Variants in IGFBP5 observed in about 807,000 individuals in gnomAD.
The protein encoded by IGFBP5 is insulin-like growth factor-binding protein 5.
A neutral mutation model predicts 28.0 loss-of-function variants in IGFBP5; 12 were observed. The ratio of observed to expected loss-of-function variants is 0.43; its 90% CI spans 0.27 to 0.69. The LOEUF (loss-of-function observed/expected upper bound fraction) is 0.69. Ranked by LOEUF, IGFBP5 falls within the 30% of genes least tolerant of loss-of-function variation. IGFBP5 has a pLI of 0.20. For synonymous variants in IGFBP5, 152 were observed against 150.2 expected (o/e 1.01, Z -0.09); for missense variants, 344 against 381.6 (o/e 0.90, Z 0.82).
In IGFBP5 at chr2:216,694,372, G is replaced by A. The variant is rs1452628857; in HGVS notation, c.337+67C>T. The A allele has an allele frequency of 1.5e-6, 2 of 1,366,890 alleles. No homozygotes were observed. Among genetic ancestry groups the A allele is most frequent in the African/African-American group, 1.5e-5 (1 of 66,162 alleles). The allele number at this position is 1,366,890 out of a possible 1,614,324, so 84.7% of individuals were successfully genotyped here. ...AGCCACTTGCTGCGCAAAGCGCGCG[G>A]GCCCAGCCGGTCTCGTGTCCCCCGC... On this transcript the variant is annotated intron_variant, in intron 1 of 3. Transcript: ENST00000233813. This position sits in a 1 kb window ranked among gnomAD's most constrained non-coding sequence, Gnocchi z 5.2.
At position 216,672,302 on chromosome 2, in the gene IGFBP5, G is replaced by GTTTTTT. The variant is rs771596160; in HGVS notation, c.*4443_*4448dup. ...GAGCCGAGCTCTTCCGCATTCAGGT[G>GTTTTTT]TTTTTTTTTTTTTTTTCGGCTTTTT... On this transcript the variant is annotated 3_prime_UTR_variant, in exon 4 of 4. Transcript: ENST00000233813. 1 of 73,956 alleles carries GTTTTTT rather than the reference G, an allele frequency of 1.4e-5. No homozygotes were observed. The highest frequency in any genetic ancestry group is 4.3e-5 in the African/African-American group (1 of 23,140). 4.6% of individuals were successfully genotyped at this position (73,956 alleles called of 1,614,324 possible). A position where few individuals can be genotyped will look rare whatever the true frequency, so the allele number is the denominator to read the frequency against.
chr2:216,685,976 G>C lies in IGFBP5; in HGVS notation c.338-6897C>G, dbSNP rs1434221742. On this transcript the variant is annotated intron_variant, in intron 1 of 3. Coordinates refer to ENST00000233813, the MANE Select transcript of IGFBP5 (RefSeq NM_000599.4). ...TTTAACCTGAATTATGGGCTGAGGA[G>C]GAAATGAGCACTAACCTTTTAAGAA... is the stretch of plus-strand genomic sequence containing the variant. 5.3e-5 allele frequency among the ~76,000 whole-genome samples: 8 copies of C among 151,522 alleles called. No individual in the cohort carries two copies. In the East Asian group the frequency reaches 1.5e-3, roughly 29 times the overall value.
chr2:216,687,200 A>G (rs545844073), intron 1 of IGFBP5, among the ~76,000 whole-genome samples: 1 of 152,296 alleles, frequency 6.6e-6, no homozygotes, highest in East Asian at 1.9e-4. Flanking sequence ...CTGTTGGCCA[A>G]CACCAGGTGA....
At chr2:216,686,188 T>G (rs1195152572) in intron 1 of IGFBP5, among the ~76,000 whole-genome samples, 2 of 152,162 alleles carry the variant, frequency 1.3e-5, no homozygotes, top group Non-Finnish European at 2.9e-5. Context: ...GGTTAGGTAC[T>G]CTAAACCAAC....
Position 216,694,966 on chromosome 2 carries a change from G to A in IGFBP5, c.-191C>T, listed in dbSNP as rs1156308990. 4.9e-6 allele frequency: 2 copies of A among 411,536 alleles called. No individual in the cohort carries two copies. Among genetic ancestry groups the A allele is most frequent in the Non-Finnish European group, 8.5e-6 (2 of 235,806 alleles). 25.5% of individuals were successfully genotyped at this position (411,536 alleles called of 1,614,324 possible). ...AGAGGTGGAGGGCTGGGGTGCCTGC[G>A]AGCAGGTCCCAGTTGCAAGAATTAA... On this transcript the variant is annotated 5_prime_UTR_variant, in exon 1 of 4. Coordinates refer to ENST00000233813, the MANE Select transcript of IGFBP5 (RefSeq NM_000599.4). The surrounding 1 kb of genome is among the most constrained non-coding windows in gnomAD (Gnocchi z 5.2).
rs1194199399 is a variant in IGFBP5, at chr2:216,694,708, G to C, written c.68C>G (p.Ser23Cys). The change falls in exon 1 of 4, where the codon TCC becomes TGC. Residue 23 changes from serine to cysteine, a missense_variant. Physicochemically the swap from Ser to Cys is moderately radical, Grantham distance 112 (BLOSUM62 -1). This residue lies in a region of IGFBP5 where 304 missense variants were observed against 329.2 expected (regional missense o/e 0.92). Coordinates refer to ENST00000233813, the MANE Select transcript of IGFBP5 (RefSeq NM_000599.4). The surrounding 1 kb of genome is among the most constrained non-coding windows in gnomAD (Gnocchi z 5.2). ...AYAGPAQSLG[S>C]FVHCEPCDEK... ...GTCGCAGGGCTCGCAGTGCACGAAGGAGCCCAGGCTCTGGGCCGGCCCCGC... is the reference window on the plus strand; with the variant it reads ...GTCGCAGGGCTCGCAGTGCACGAAGCAGCCCAGGCTCTGGGCCGGCCCCGC... 6.7e-7 allele frequency: 1 copy of C among 1,490,944 alleles called. No homozygotes were observed. Among genetic ancestry groups the C allele is most frequent in the Non-Finnish European group, 8.9e-7 (1 of 1,124,786 alleles). The allele number at this position is 1,490,944 out of a possible 1,614,324, so 92.4% of individuals were successfully genotyped here. A position where few individuals can be genotyped will look rare whatever the true frequency, so the allele number is the denominator to read the frequency against.
intron 1 of IGFBP5, among the ~76,000 whole-genome samples, chr2:216,680,510 G>A (rs1488403454): frequency 2.6e-5 from 4 of 152,202 alleles, no homozygotes; most frequent in Admixed American, 1.3e-4. Flanking sequence ...CCAGGTGTGA[G>A]TTAGGAAAGG....
chr2:216,676,760 G>C lies in IGFBP5; in HGVS notation c.810C>G (p.Asn270Lys). 6.2e-7 allele frequency: 1 copy of C among 1,613,330 alleles called. No homozygotes were observed. The highest frequency in any genetic ancestry group is 1.3e-5 in the African/African-American group (1 of 74,964). ...DFQCHTFDSS[N>K]VE ...GTTGGGGGGGGACGCATCACTCAAC[G>C]TTGCTGCTGTCGAAGGTGTGGCACT... Residue 270 changes from asparagine to lysine, a missense_variant, in exon 4 of 4, where the codon AAC (asparagine) becomes AAG (lysine). Asn to Lys is a moderately conservative substitution (Grantham distance 94). Transcript: ENST00000233813.
intron 2 of IGFBP5, 87 bp from the exon 3 acceptor site, chr2:216,678,318 G>A: frequency 7.4e-7 from 1 of 1,360,350 alleles, no homozygotes; most frequent in Non-Finnish European, 9.7e-7. Flanking sequence ...GGTGGGGGCT[G>A]AAGGGTCTCT....
At chr2:216,688,941 T>C (rs1177672918) in intron 1 of IGFBP5, among the ~76,000 whole-genome samples, 1 of 152,200 alleles carries the variant, frequency 6.6e-6, no homozygotes, top group Non-Finnish European at 1.5e-5. Flanking sequence ...AGCTGCCCTC[T>C]GGAAGCACAT....
intron 3 of IGFBP5, among the ~76,000 whole-genome samples, chr2:216,677,263 C>T (rs976243230): frequency 2.6e-5 from 4 of 152,066 alleles, no homozygotes; most frequent in African/African-American, 9.7e-5. Flanking sequence ...AAATATTACC[C>T]ATTTGAGTTC....
At chr2:216,685,172 T>C (rs2106221864) in intron 1 of IGFBP5, among the ~76,000 whole-genome samples, 1 of 151,520 alleles carries the variant, frequency 6.6e-6, no homozygotes, top group South Asian at 2.1e-4. Flanking sequence ...TCCCAGCTGC[T>C]CGGGAAGCTG....
chr2:216,690,072 G>A (rs1223692267), intron 1 of IGFBP5, among the ~76,000 whole-genome samples: 2 of 151,984 alleles, frequency 1.3e-5, no homozygotes, highest in African/African-American at 4.8e-5. Context: ...ATTGGGGGAG[G>A]GGAGTAGAAG....
rs1442797911 is a variant in IGFBP5, at chr2:216,694,293, A to T, written c.337+146T>A. The T allele has an allele frequency of 3.2e-6, 2 of 634,794 alleles. No individual in the cohort carries two copies. Among genetic ancestry groups the T allele is most frequent in the East Asian group, 6.5e-5 (2 of 30,888 alleles). The allele number at this position is 634,794 out of a possible 1,614,324, so 39.3% of individuals were successfully genotyped here. ...GGTAGCAGGATCCTCCAGGGCTCCA[A>T]TTCCGGGGTGCAAGGACCCTCCCCG... On this transcript the variant is annotated intron_variant, in intron 1 of 3. Coordinates refer to ENST00000233813, the MANE Select transcript of IGFBP5 (RefSeq NM_000599.4). The surrounding 1 kb of genome is among the most constrained non-coding windows in gnomAD (Gnocchi z 5.2).
intron 1 of IGFBP5, among the ~76,000 whole-genome samples, chr2:216,689,004 A>AG (rs1376659807): frequency 6.6e-6 from 1 of 152,138 alleles, no homozygotes; most frequent in Non-Finnish European, 1.5e-5. Flanking sequence ...AAAGAAAGCC[A>AG]GGGGGCCCTC....
chr2:216,678,015 A>T, intron 3 of IGFBP5, 97 bp downstream of exon 3: 2 of 1,199,256 alleles, frequency 1.7e-6, no homozygotes, highest in African/African-American at 1.6e-5. Context: ...CTAAGTGGTT[A>T]ACGGTGGAAA....
chr2:216,693,923 C>T (rs11575126), intron 1 of IGFBP5, among the ~76,000 whole-genome samples: 1 of 151,334 alleles, frequency 6.6e-6, no homozygotes, highest in African/African-American at 2.4e-5. Flanking sequence ...TCTGGAGGCA[C>T]GGGGGTGGAG....
At position 216,679,103 on chromosome 2, in the gene IGFBP5, T is replaced by C; in HGVS notation, c.338-24A>G. 6.2e-7 allele frequency: 1 copy of C among 1,606,790 alleles called. No individual in the cohort carries two copies. The highest frequency in any genetic ancestry group is 1.1e-5 in the South Asian group (1 of 90,888). On this transcript the variant is annotated intron_variant, in intron 1 of 3. Transcript: ENST00000233813. The surrounding 1 kb of genome is among the most constrained non-coding windows in gnomAD (Gnocchi z 4.6). The stretch of plus-strand genomic sequence containing the variant: ...CTCTGCAGGAGAAGGAGCCGGAGGG[T>C]CAGCCCCCGTGGGCCAAGGTGCACA...
Position 216,679,835 on chromosome 2 carries a change from GT to G in IGFBP5, c.338-757del, listed in dbSNP as rs1364318381. 2.0e-5 allele frequency among the ~76,000 whole-genome samples: 3 copies of G among 152,178 alleles called. No homozygotes were observed. The highest frequency in any genetic ancestry group is 6.5e-5 in the Admixed American group (1 of 15,284). Reference sequence around the variant, plus strand: ...GCTCGGGGGCCTGGGAGGCTGGGACGTTACTCAGCTCTGGACTGAGAGAGGC... The same window carrying G: ...GCTCGGGGGCCTGGGAGGCTGGGACGTACTCAGCTCTGGACTGAGAGAGGC... On this transcript the variant is annotated intron_variant, in intron 1 of 3. Transcript: ENST00000233813. The surrounding 1 kb of genome is among the most constrained non-coding windows in gnomAD (Gnocchi z 4.6).
Sources: gnomAD v4.1 joint callset for allele counts (sites outside exome capture counted in the v4.1 genomes callset) on GRCh38, gnomAD v4.1.1 for gene constraint, gnomAD v4.1.1 regional missense constraint, Gnocchi (gnomAD v3.1) non-coding constraint, MANE v1.5 for transcripts, NCBI Gene and HGNC (gene_info 2026-07-23, HGNC 2026-07-21) for gene names.